RARB: variants seen among roughly 807,000 people sequenced by gnomAD.
The protein encoded by RARB is retinoic acid receptor beta, also known as HBV-activated protein.
A neutral mutation model predicts 51.9 loss-of-function variants in RARB; 17 were observed. That is an observed-to-expected ratio of 0.33 (90% CI 0.22 to 0.49). RARB has a LOEUF of 0.49. Among genes scored for constraint, RARB ranks in the 20% least tolerant of loss-of-function variants. The pLI, the probability that RARB is intolerant of heterozygous loss-of-function variation, is 0.99. For synonymous variants in RARB, 215 were observed against 195.4 expected, an observed-to-expected ratio of 1.10 and a Z score of -0.84; for missense variants, 369 against 550.8, an observed-to-expected ratio of 0.67 and a Z score of 3.30.
chr3:25,409,106 A>T (rs1259089697), intron 5 of RARB, among the ~76,000 whole-genome samples: 1 of 152,224 alleles, frequency 6.6e-6, no homozygotes, highest in Non-Finnish European at 1.5e-5. Flanking sequence ...GTGCCAACGC[A>T]GCAAGTACCA....
chr3:25,075,661 G>A (rs562647367), intron 3 of RARB, among the ~76,000 whole-genome samples: 1 of 128,796 alleles, frequency 7.8e-6, no homozygotes, highest in East Asian at 2.3e-4. Flanking sequence ...TTTAGTGAGA[G>A]AATTGTCCTC....
chr3:25,177,401 G>A (rs1211590309), intron 5 of RARB, among the ~76,000 whole-genome samples: 3 of 152,182 alleles, frequency 2.0e-5, no homozygotes, highest in Non-Finnish European at 2.9e-5. Flanking sequence ...TGGAAAAGCT[G>A]ACCAACGTGG....
chr3:25,508,639 G>T (rs775470390), intron 3 of RARB, among the ~76,000 whole-genome samples: 1 of 152,094 alleles, frequency 6.6e-6, no homozygotes, highest in Non-Finnish European at 1.5e-5. Context: ...TCCCGTGTTA[G>T]ATCCCAGCCT....
chr3:25,493,891 A>G (rs527565364), intron 2 of RARB, among the ~76,000 whole-genome samples: 1 of 152,346 alleles, frequency 6.6e-6, no homozygotes, highest in Admixed American at 6.5e-5. Flanking sequence ...GCTAAAAAAT[A>G]ACTTCCATTC....
chr3:24,911,471 T>C (rs953750676), intron 2 of RARB, among the ~76,000 whole-genome samples: 53 of 152,308 alleles, frequency 3.5e-4, no homozygotes, highest in African/African-American at 1.2e-3. Flanking sequence ...TACAGAAATA[T>C]GGAGGAGGAA....
chr3:25,078,964 A>G (rs918609899), intron 3 of RARB, among the ~76,000 whole-genome samples: 2 of 152,206 alleles, frequency 1.3e-5, no homozygotes, highest in African/African-American at 2.4e-5. Flanking sequence ...TGCTGAATTT[A>G]TAAATCAATT....
At chr3:24,968,831 A>G (rs1210893341) in intron 2 of RARB, among the ~76,000 whole-genome samples, 1 of 152,172 alleles carries the variant, frequency 6.6e-6, no homozygotes, top group African/African-American at 2.4e-5. Context: ...TAGACTACCC[A>G]AAGACTTGGA....
chr3:25,074,874 CA>C (rs1165760649), intron 3 of RARB, among the ~76,000 whole-genome samples: 1 of 152,178 alleles, frequency 6.6e-6, no homozygotes, highest in African/African-American at 2.4e-5. Flanking sequence ...ATATGCAGCG[CA>C]GTGACTTGTA....
At chr3:24,832,571 T>C (rs1575027739) in intron 1 of RARB, among the ~76,000 whole-genome samples, 1 of 145,468 alleles carries the variant, frequency 6.9e-6, no homozygotes, top group East Asian at 2.0e-4. Context: ...GTACTATGTA[T>C]TGGGGATTCA....
At chr3:25,121,337 G>C (rs1699780311) in intron 3 of RARB, among the ~76,000 whole-genome samples, 1 of 152,026 alleles carries the variant, frequency 6.6e-6, no homozygotes, top group African/African-American at 2.4e-5. Flanking sequence ...AAAGAACATT[G>C]CTCACCTCCT....
chr3:25,465,277 T>C (rs1695375373), intron 2 of RARB, among the ~76,000 whole-genome samples: 1 of 152,326 alleles, frequency 6.6e-6, no homozygotes, highest in Non-Finnish European at 1.5e-5. Flanking sequence ...CTGTATTTAA[T>C]TTGATATTTA....
intron 5 of RARB, among the ~76,000 whole-genome samples, chr3:25,198,739 G>A (rs1701309548): frequency 6.6e-6 from 1 of 151,948 alleles, no homozygotes; most frequent in African/African-American, 2.4e-5. Context: ...CTACAATGCT[G>A]TGTCATCTTA....
chr3:25,305,789 T>C (rs916514168), intron 5 of RARB, among the ~76,000 whole-genome samples: 3 of 152,166 alleles, frequency 2.0e-5, no homozygotes, highest in Non-Finnish European at 4.4e-5. Context: ...CACAGTGGTA[T>C]AAAAAATAAG....
At chr3:25,079,030 A>T in intron 3 of RARB, among the ~76,000 whole-genome samples, 1 of 150,948 alleles carries the variant, frequency 6.6e-6, no homozygotes, top group South Asian at 2.1e-4. Context: ...AACATGGTAT[A>T]TCTCTGCATT....
intron 5 of RARB, among the ~76,000 whole-genome samples, chr3:25,370,585 C>G (rs1194113563): frequency 6.6e-6 from 1 of 152,128 alleles, no homozygotes; most frequent in Non-Finnish European, 1.5e-5. Flanking sequence ...CCTTCTGACT[C>G]CAGCATGGCT....
chr3:25,351,371 C>T (rs1405189823), intron 5 of RARB, among the ~76,000 whole-genome samples: 2 of 152,036 alleles, frequency 1.3e-5, no homozygotes, highest in Admixed American at 1.3e-4. Flanking sequence ...CTCATTTGTG[C>T]TCATCCTCCT....
At chr3:25,343,390 G>T (rs61241444) in intron 5 of RARB, among the ~76,000 whole-genome samples, 1,882 of 151,012 alleles carry the variant, frequency 0.012, 47 homozygotes, top group African/African-American at 0.043. Context: ...ATGCATAGTT[G>T]TAAAAAAGAA....
chr3:24,849,320 G>A (rs111439644), intron 1 of RARB, among the ~76,000 whole-genome samples: 9 of 152,312 alleles, frequency 5.9e-5, no homozygotes, highest in Non-Finnish European at 1.2e-4. Flanking sequence ...GATAAGGGGG[G>A]AGCTACTGTA....
chr3:25,436,291 G>A (rs553873955), intron 1 of RARB, among the ~76,000 whole-genome samples: 13 of 152,188 alleles, frequency 8.5e-5, no homozygotes, highest in African/African-American at 1.9e-4. Flanking sequence ...TGATTCATCC[G>A]TTTTGGTGTA....
Sources: gnomAD v4.1 joint callset for allele counts (sites outside exome capture counted in the v4.1 genomes callset) on GRCh38, gnomAD v4.1.1 for gene constraint, MANE v1.5 for transcripts, NCBI Gene and HGNC (gene_info 2026-07-23, HGNC 2026-07-21) for gene names.